CST3: variants seen among roughly 807,000 people sequenced by gnomAD.
CST3 encodes the protein cystatin-C.
A neutral mutation model predicts 9.0 loss-of-function variants in CST3; 14 were observed. The observed-to-expected ratio is 1.56, with a 90% CI of 1.03 to 2.44. The LOEUF is 2.44. CST3 is among the 30% of genes most tolerant of loss of function. The pLI is 0.00. For missense variants in CST3, 237 were observed against 204.3 expected (o/e 1.16, Z -0.98); for synonymous variants, 96 against 90.2 (o/e 1.06, Z -0.37).
Position 23,635,480 on chromosome 20 carries a change from C to T in CST3, c.244-113G>A, listed in dbSNP as rs549150248. On this transcript the variant is annotated intron_variant, in intron 1 of 2. Transcript: ENST00000376925. ...GGCTTGCCTGGGGCTTCAAGCCTAC[C>T]TTCATGAGCTGCCCACATTGTCACC... 4.2e-4 allele frequency: 370 copies of T among 879,566 alleles called. 1 individual carries two copies. The African/African-American group carries it at 5.5e-3, about 13-fold the overall frequency. The allele number at this position is 879,566 out of a possible 1,614,324, so 54.5% of individuals were successfully genotyped here. A position where few individuals can be genotyped will look rare whatever the true frequency, so the allele number is the denominator to read the frequency against.
At position 23,635,305 on chromosome 20, in the gene CST3, G is replaced by A. The variant is rs1404208911; in HGVS notation, c.306C>T (p.Thr102=). 6.2e-7 allele frequency: 1 copy of A among 1,614,068 alleles called. No individual in the cohort carries two copies. Among genetic ancestry groups the A allele is most frequent in the Admixed American group, 1.7e-5 (1 of 60,006 alleles). ...VELGRTTCTK[T]QPNLDNCPFH... The stretch of plus-strand genomic sequence containing the variant: ...AGGGGCAGTTGTCCAAGTTGGGCTG[G>A]GTCTTGGTACACGTGGTTCGGCCCA... The change falls in exon 2 of 3, where the codon ACC becomes ACT. Residue 102 remains threonine, a synonymous_variant. Coordinates refer to ENST00000376925, the MANE Select transcript of CST3 (RefSeq NM_000099.4).
downstream of CST3, among the ~76,000 whole-genome samples, chr20:23,629,739 G>A (rs370600431): frequency 2.1e-4 from 21 of 97,920 alleles, no homozygotes; most frequent in Non-Finnish European, 2.3e-4. Flanking sequence ...ACTGGTGGGG[G>A]GGGGAGGGGG....
intron 2 of CST3, 65 bp downstream of exon 2, chr20:23,635,189 C>CA: frequency 1.5e-6 from 2 of 1,329,232 alleles, no homozygotes; most frequent in Non-Finnish European, 2.2e-6. Flanking sequence ...GCATCACACA[C>CA]ACACACACAC....
At chr20:23,634,148 A>G in intron 2 of CST3, 149 bp from the exon 3 acceptor site, 4 of 724,156 alleles carry the variant, frequency 5.5e-6, no homozygotes, top group Non-Finnish European at 7.4e-6. Flanking sequence ...CGCTGATCCC[A>G]GAGCACCGCT....
chr20:23,631,680 CT>C (rs1391391213), downstream of CST3: 2 of 152,314 alleles, frequency 1.3e-5, no homozygotes, highest in Admixed American at 1.3e-4. Context: ...GGCTGGCTTC[CT>C]TCAGGACAAG....
intron 2 of CST3, among the ~76,000 whole-genome samples, chr20:23,634,211 T>C (rs1045660090): frequency 2.0e-5 from 3 of 151,978 alleles, no homozygotes; most frequent in African/African-American, 4.8e-5. Context: ...CTCTACCTGG[T>C]GGCACTGGGC....
rs1979734507 is a variant in CST3, at chr20:23,637,610, C to A, written c.243+10G>T. On this transcript the variant is annotated intron_variant, in intron 1 of 2. Transcript: ENST00000376925. ...CCGGGGCTTCGGACCCTGCGGGGGG[C>A]GGCACGCACCTGCTTGCGGGCGCGC... 6.6e-7 allele frequency: 1 copy of A among 1,511,028 alleles called. No homozygotes were observed. Among genetic ancestry groups the A allele is most frequent in the Non-Finnish European group, 8.8e-7 (1 of 1,130,334 alleles). 93.6% of individuals were successfully genotyped at this position (1,511,028 alleles called of 1,614,324 possible).
At position 23,633,915 on chromosome 20, in the gene CST3, C is replaced by G; in HGVS notation, c.*1G>C. On this transcript the variant is annotated 3_prime_UTR_variant, in exon 3 of 3. Transcript: ENST00000376925. ...GGCACAGGCCAGCCCGGTACAGACC[C>G]CTAGGCGTCCTGACAGGTGGATTTC... The G allele has an allele frequency of 6.2e-7, 1 of 1,613,784 alleles. No individual in the cohort carries two copies. Among genetic ancestry groups the G allele is most frequent in the Non-Finnish European group, 8.5e-7 (1 of 1,179,708 alleles).
At chr20:23,634,066 G>A (rs1402697952) in intron 2 of CST3, 67 bp from the exon 3 acceptor site, 13 of 1,303,554 alleles carry the variant, frequency 1.0e-5, no homozygotes, top group South Asian at 2.4e-5. Context: ...GCCCAGGCAC[G>A]GGACATCAGA....
chr20:23,629,654 A>T (rs549123026), downstream of CST3, among the ~76,000 whole-genome samples: 45 of 151,476 alleles, frequency 3.0e-4, 1 homozygote, highest in South Asian at 7.9e-3. Context: ...TTGCTGAGGG[A>T]CTCAGTGGAG....
chr20:23,630,798 A>G (rs1238711981), downstream of CST3, among the ~76,000 whole-genome samples: 1 of 152,152 alleles, frequency 6.6e-6, no homozygotes, highest in Non-Finnish European at 1.5e-5. Flanking sequence ...GGCAAACTCA[A>G]TAGTCTTCTA....
At chr20:23,633,622 G>A (rs1456607074), downstream of CST3, 1 of 565,622 alleles carries the variant, frequency 1.8e-6, no homozygotes, top group Non-Finnish European at 3.2e-6. Flanking sequence ...CCCTGCCTGT[G>A]TGCACATCCC....
Position 23,637,816 on chromosome 20 carries a change from G to T in CST3, c.47C>A (p.Ala16Asp). The change falls in exon 1 of 3, where the codon GCC (alanine) becomes GAC (aspartate). Residue 16 changes from alanine (A) to aspartate (D), a missense_variant. Ala to Asp is a moderately radical substitution (Grantham distance 126). Transcript: ENST00000376925. ...RAPLLLLAIL[A>D]VALAVSPAAG... ...CGCGGGGCTCACGGCCAGGGCCACG[G>T]CCAGGATGGCCAGCAGGAGCAGCGG... The T allele has an allele frequency of 6.7e-7, 1 of 1,496,388 alleles. No homozygotes were observed. The highest frequency in any genetic ancestry group is 8.9e-7 in the Non-Finnish European group (1 of 1,124,526). 92.7% of individuals were successfully genotyped at this position (1,496,388 alleles called of 1,614,324 possible).
downstream of CST3, chr20:23,628,818 T>C (rs1304445841): frequency 6.6e-6 from 1 of 152,188 alleles, no homozygotes; most frequent in Non-Finnish European, 1.5e-5. Context: ...AGCCTCAAAC[T>C]GCTGAGCTCA....
At chr20:23,633,613 C>G (rs982235325), downstream of CST3, 1 of 551,600 alleles carries the variant, frequency 1.8e-6, no homozygotes, top group South Asian at 2.0e-5. Flanking sequence ...CTGCGGAAAC[C>G]CTGCCTGTGT....
At chr20:23,628,203 G>A (rs1979321281) in exon 4 of CST3, 1 of 152,162 alleles carries the variant, frequency 6.6e-6, no homozygotes, top group African/African-American at 2.4e-5. Flanking sequence ...GTACTGGGGA[G>A]GTGCCTCATG....
chr20:23,632,002 T>C (rs1250760966), downstream of CST3: 1 of 152,262 alleles, frequency 6.6e-6, no homozygotes, highest in Non-Finnish European at 1.5e-5. Flanking sequence ...CAGTGACCTC[T>C]GGGTCAGAGG....
intron 1 of CST3, among the ~76,000 whole-genome samples, chr20:23,636,363 C>T (rs1979674498): frequency 6.6e-6 from 1 of 152,194 alleles, no homozygotes; most frequent in Non-Finnish European, 1.5e-5. Context: ...TACTGAAGCT[C>T]CCTCCCGATC....
Position 23,627,471 on chromosome 20 carries a change from TA to T in CST3, c.*1996del, listed in dbSNP as rs370066947. On this transcript the variant is annotated 3_prime_UTR_variant, in exon 4 of 4. Transcript: ENST00000398411. ...TGGACATTTGAGGTTTTTTTTAATA[TA>T]TTTTTTTCTGATTTTAATAATGATG... 1.1e-4 allele frequency: 17 copies of T among 152,362 alleles called. No homozygotes were observed. The South Asian group carries it at 3.1e-3, about 28-fold the overall frequency. The allele number at this position is 152,362 out of a possible 1,614,324, so 9.4% of individuals were successfully genotyped here.
Sources: gnomAD v4.1 joint callset for allele counts (sites outside exome capture counted in the v4.1 genomes callset) on GRCh38, gnomAD v4.1.1 for gene constraint, MANE v1.5 for transcripts, NCBI Gene and HGNC (gene_info 2026-07-23, HGNC 2026-07-21) for gene names.